Variants in PXYLP1 observed in about 807,000 individuals in gnomAD.
PXYLP1 encodes 2-phosphoxylose phosphatase 1.
PXYLP1 carries 17 observed loss-of-function variants against 37.9 expected under a neutral mutation model. The ratio of observed to expected loss-of-function variants is 0.45; its 90% CI spans 0.31 to 0.67. PXYLP1 has a LOEUF of 0.67. Ranked by LOEUF, PXYLP1 falls within the 30% of genes least tolerant of loss-of-function variation. PXYLP1 has a pLI of 0.07. For synonymous variants in PXYLP1, 221 were observed against 232.2 expected (o/e 0.95, Z 0.44); for missense variants, 511 against 612.0 (o/e 0.84, Z 1.74).
chr3:141,245,885 CTGT>C (rs924859920), intron 1 of PXYLP1, among the ~76,000 whole-genome samples: 6 of 152,164 alleles, frequency 3.9e-5, no homozygotes, highest in Non-Finnish European at 5.9e-5. Context: ...CACAGCTTTG[CTGT>C]TGTTGTTTGG....
At chr3:141,256,273 C>T (rs1941260780) in intron 1 of PXYLP1, among the ~76,000 whole-genome samples, 1 of 152,136 alleles carries the variant, frequency 6.6e-6, no homozygotes, top group African/African-American at 2.4e-5. Flanking sequence ...GTCTCTTATC[C>T]TCAGTCTTAT....
In PXYLP1 at chr3:141,292,624, C is replaced by A. The variant is rs769035040; in HGVS notation, c.862C>A (p.Gln288Lys). The A allele has an allele frequency of 6.2e-7, 1 of 1,613,726 alleles. No individual in the cohort carries two copies. Among genetic ancestry groups the A allele is most frequent in the Admixed American group, 1.7e-5 (1 of 60,002 alleles). The part of the protein sequence containing the change: ...MAKIVDVPTK[Q>K]LRAANPIDSM... ...CAAGATCGTGGATGTCCCCACCAAGCAGCTTAGAGCTGCCAACCCCATAGA... is the reference window on the plus strand; with the variant it reads ...CAAGATCGTGGATGTCCCCACCAAGAAGCTTAGAGCTGCCAACCCCATAGA... The change falls in exon 6 of 6, where the codon CAG (glutamine) becomes AAG (lysine). Residue 288 changes from glutamine (Q) to lysine (K), a missense_variant. Transcript: ENST00000286353. The surrounding 1 kb of genome is among the most constrained non-coding windows in gnomAD (Gnocchi z 4.3).
chr3:141,238,455 C>T (rs906943826), intron 1 of PXYLP1, among the ~76,000 whole-genome samples: 5 of 152,198 alleles, frequency 3.3e-5, no homozygotes, highest in Non-Finnish European at 7.3e-5. Context: ...TTCTCTGCCT[C>T]GTTTGAGCGT....
chr3:141,274,604 C>A, intron 2 of PXYLP1: 2 of 841,636 alleles, frequency 2.4e-6, no homozygotes, highest in Non-Finnish European at 3.9e-6. Flanking sequence ...TGGAGCACAG[C>A]GTCTGCCCCA....
chr3:141,288,022 A>G (rs1218140192), intron 5 of PXYLP1, among the ~76,000 whole-genome samples: 2 of 152,252 alleles, frequency 1.3e-5, no homozygotes, highest in Non-Finnish European at 2.9e-5. Context: ...TGCATGGCAC[A>G]TTTCTACTGC....
At position 141,242,192 on chromosome 3, in the gene PXYLP1, C is replaced by T. The variant is rs564334478; in HGVS notation, c.-54+10281C>T. ...TACTGGTTGTGCTTGTTACTCACCC[C>T]CGCCCCAGGCTCATACATGCCCTCG... On this transcript the variant is annotated intron_variant, in intron 1 of 5. Coordinates refer to ENST00000286353, the MANE Select transcript of PXYLP1 (RefSeq NM_001037172.3). 2.6e-5 allele frequency among the ~76,000 whole-genome samples: 4 copies of T among 152,278 alleles called. No individual in the cohort carries two copies. In the South Asian group the frequency reaches 8.3e-4, roughly 32 times the overall value.
Position 141,278,450 on chromosome 3 carries a change from AAGCTC to A in PXYLP1, c.189_193del (p.Glu63AspfsTer23). On this transcript the variant is annotated frameshift_variant, in exon 3 of 6. Coordinates refer to ENST00000286353, the MANE Select transcript of PXYLP1 (RefSeq NM_001037172.3). LOFTEE classifies it high-confidence loss of function. ...CCCCCTGTGACAGACCCCGTTTATG[AAGCTC>A]TTTTGTACTGCAACATCCCCAGCGT... 1.9e-6 allele frequency: 3 copies of A among 1,614,168 alleles called. No individual in the cohort carries two copies. The highest frequency in any genetic ancestry group is 2.5e-6 in the Non-Finnish European group (3 of 1,180,026).
In PXYLP1 at chr3:141,294,352, A is replaced by T. The variant is rs1416115784; in HGVS notation, c.*1147A>T. On this transcript the variant is annotated 3_prime_UTR_variant, in exon 6 of 6. Transcript: ENST00000286353. ...GCTGTAGAACTGGATTCATTTTTAA[A>T]CCATTTTCATCAGTTTCAAATGGTA... The T allele has an allele frequency of 6.6e-6, 1 of 152,188 alleles. No individual in the cohort carries two copies. The highest frequency in any genetic ancestry group is 1.5e-5 in the Non-Finnish European group (1 of 68,016). The allele number at this position is 152,188 out of a possible 1,614,324, so 9.4% of individuals were successfully genotyped here. A position where few individuals can be genotyped will look rare whatever the true frequency, so the allele number is the denominator to read the frequency against.
rs1941811769 is a variant in PXYLP1, at chr3:141,277,031, C to T, written c.80-1311C>T. Reference sequence around the variant, plus strand: ...TTTCTGCGATTAGCCTGTTCATATCCTTTAATGATTTTTCAGGTGTAGGGT... The same window carrying T: ...TTTCTGCGATTAGCCTGTTCATATCTTTTAATGATTTTTCAGGTGTAGGGT... On this transcript the variant is annotated intron_variant, in intron 2 of 5. Transcript: ENST00000286353. Among the ~76,000 whole-genome samples, 2 of 152,122 alleles carry T rather than the reference C, an allele frequency of 1.3e-5. 1 individual carries two copies. Among genetic ancestry groups the T allele is most frequent in the South Asian group, 4.1e-4 (2 of 4,822 alleles).
At chr3:141,287,492 C>T (rs1226771209) in intron 5 of PXYLP1, 39 bp downstream of exon 5, 15 of 1,599,106 alleles carry the variant, frequency 9.4e-6, no homozygotes, top group South Asian at 5.6e-5. Context: ...TTCCCCCACC[C>T]GCTCTTCTGC....
intron 2 of PXYLP1, chr3:141,274,323 G>A (rs1941739076): frequency 2.9e-6 from 4 of 1,378,652 alleles, no homozygotes; most frequent in African/African-American, 1.5e-5. Flanking sequence ...CCTGCACATC[G>A]ACCCTGGTGA....
intron 2 of PXYLP1, chr3:141,274,330 G>A: frequency 7.2e-7 from 1 of 1,396,812 alleles, no homozygotes; most frequent in Non-Finnish European, 9.3e-7. Context: ...ATCGACCCTG[G>A]TGAGGCCAAC....
intron 2 of PXYLP1, among the ~76,000 whole-genome samples, chr3:141,271,984 A>C (rs73869551): frequency 0.01 from 1,562 of 152,304 alleles, 27 homozygotes; most frequent in African/African-American, 0.036. Context: ...GGGGCCCTTC[A>C]TTGTGCTCCA....
At chr3:141,286,980 C>T (rs1050427919) in intron 4 of PXYLP1, among the ~76,000 whole-genome samples, 21 of 152,172 alleles carry the variant, frequency 1.4e-4, no homozygotes, top group African/African-American at 4.8e-4. Context: ...CCAGCCTAGG[C>T]GTGACTGCTG....
At chr3:141,248,181 C>A (rs1258396128) in intron 1 of PXYLP1, among the ~76,000 whole-genome samples, 1 of 151,838 alleles carries the variant, frequency 6.6e-6, no homozygotes, top group Non-Finnish European at 1.5e-5. Flanking sequence ...CGCCACCAAG[C>A]CCAGGTAATT....
intron 2 of PXYLP1, among the ~76,000 whole-genome samples, chr3:141,264,849 C>T (rs1338961378): frequency 6.6e-6 from 1 of 152,244 alleles, no homozygotes; most frequent in Non-Finnish European, 1.5e-5. Context: ...GCAAAGGATT[C>T]AGCAAACTAA....
chr3:141,262,810 A>C, intron 2 of PXYLP1: 1 of 1,005,990 alleles, frequency 9.9e-7, no homozygotes, highest in East Asian at 2.6e-5. Context: ...GTTGCTTATT[A>C]TTATACTGTA....
intron 1 of PXYLP1, among the ~76,000 whole-genome samples, chr3:141,253,775 T>C (rs1211466085): frequency 2.0e-5 from 3 of 151,210 alleles, no homozygotes; most frequent in African/African-American, 7.3e-5. Context: ...TCTGTCACCC[T>C]GCTTCAACTA....
At chr3:141,250,579 G>T (rs116068533) in intron 1 of PXYLP1, among the ~76,000 whole-genome samples, 3,859 of 152,328 alleles carry the variant, frequency 0.025, 148 homozygotes, top group African/African-American at 0.088. Flanking sequence ...AGTGAGATGC[G>T]ATGGGCAGCC....
Sources: gnomAD v4.1 joint callset for allele counts (sites outside exome capture counted in the v4.1 genomes callset) on GRCh38, gnomAD v4.1.1 for gene constraint, Gnocchi (gnomAD v3.1) non-coding constraint, MANE v1.5 for transcripts, NCBI Gene and HGNC (gene_info 2026-07-23, HGNC 2026-07-21) for gene names.